Variants in RYR1 observed in about 807,000 individuals in gnomAD.
The protein encoded by RYR1 is ryanodine receptor 1.
In RYR1, 342 loss-of-function variants were observed where a neutral mutation model predicts 583.5. The ratio of observed to expected loss-of-function variants is 0.59; its 90% confidence interval spans 0.54 to 0.64. The LOEUF (loss-of-function observed/expected upper bound fraction) is 0.64, where lower values mean the gene tolerates loss of function less well. Ranked by LOEUF, RYR1 falls within the 30% of genes least tolerant of loss-of-function variation. The pLI is 0.00. For synonymous variants in RYR1, 2,791 were observed against 2,822.5 expected (o/e 0.99, Z 0.35); for missense variants, 6,032 against 6,917.2 (o/e 0.87, Z 4.54).
Position 38,452,885 on chromosome 19 carries a change from C to T in RYR1, c.1311C>T (p.Ile437=), listed in dbSNP as rs777029846. The change falls in exon 13 of 106, where the codon ATC becomes ATT. Residue 437 remains isoleucine, a synonymous_variant. Coordinates refer to ENST00000359596, the MANE Select transcript of RYR1 (RefSeq NM_000540.3). ...CACCCGCTGGCACGGCGCTGCCCAT[C>T]GAGGGCGTTATCCTGAGCCTGCAGG... ...SGPPAGTALP[I]EGVILSLQDL... The T allele has an allele frequency of 2.0e-5, 33 of 1,611,974 alleles. No individual in the cohort carries two copies. The Middle Eastern group carries it at 4.9e-4, about 24-fold the overall frequency.
chr19:38,440,313 A>G (rs1380439674), intron 1 of RYR1, among the ~76,000 whole-genome samples: 1 of 151,956 alleles, frequency 6.6e-6, no homozygotes, highest in Non-Finnish European at 1.5e-5. Flanking sequence ...AATAAATGGG[A>G]TGATTACTTG....
intron 101 of RYR1, 110 bp from the exon 102 acceptor site, chr19:38,584,833 C>T: frequency 7.5e-7 from 1 of 1,324,732 alleles, no homozygotes; most frequent in South Asian, 1.2e-5. Flanking sequence ...GGGCAGGGCC[C>T]AGGGCTGTCT....
chr19:38,451,849 T>C lies in RYR1; in HGVS notation c.1208T>C (p.Ile403Thr). ...GAGGAGTCCCAGGCCGCCCGCATGA[T>C]CCACAGCACCAATGGCCTATACAAC... Reference protein sequence around the residue: ...QQEESQAARMIHSTNGLYNQF... With the variant: ...QQEESQAARMTHSTNGLYNQF... Residue 403 changes from isoleucine to threonine, a missense_variant, in exon 12 of 106, where the codon ATC becomes ACC. Transcript: ENST00000359596. 1 of 1,614,016 alleles carries C rather than the reference T, an allele frequency of 6.2e-7. No individual in the cohort carries two copies. Among genetic ancestry groups the C allele is most frequent in the Non-Finnish European group, 8.5e-7 (1 of 1,179,978 alleles).
At chr19:38,529,895 C>T (rs751255846) in intron 76 of RYR1, among the ~76,000 whole-genome samples, 1 of 152,180 alleles carries the variant, frequency 6.6e-6, no homozygotes, top group Non-Finnish European at 1.5e-5. Flanking sequence ...CACTTAACCG[C>T]CACACTGTGA....
chr19:38,469,229 T>C (rs1968285292), intron 26 of RYR1, 76 bp from the exon 27 acceptor site: 1 of 1,605,416 alleles, frequency 6.2e-7, no homozygotes, highest in Admixed American at 1.7e-5. Context: ...AACTCTCCCA[T>C]CCCTACCTCC....
In RYR1 at chr19:38,578,298, C is replaced by G. The variant is rs1002152445; in HGVS notation, c.14364+94C>G. The G allele has an allele frequency of 1.3e-5, 17 of 1,294,480 alleles. No homozygotes were observed. In the Admixed American group the frequency reaches 2.9e-4, roughly 22 times the overall value. 80.2% of individuals were successfully genotyped at this position (1,294,480 alleles called of 1,614,324 possible). On this transcript the variant is annotated intron_variant, in intron 99 of 105. Transcript: ENST00000359596. Reference sequence around the variant, plus strand: ...GGGTGTTCCTGACCAAAGAATGACTCCTGGGACCCTGAGTGGCTGTGACCC... The same window carrying G: ...GGGTGTTCCTGACCAAAGAATGACTGCTGGGACCCTGAGTGGCTGTGACCC...
intron 58 of RYR1, among the ~76,000 whole-genome samples, chr19:38,508,181 A>G (rs1970565188): frequency 6.6e-6 from 1 of 151,798 alleles, no homozygotes; most frequent in African/African-American, 2.4e-5. Context: ...ATTTTATTTC[A>G]TTTTATTTTA....
intron 88 of RYR1, among the ~76,000 whole-genome samples, 161 bp from the exon 89 acceptor site, chr19:38,548,072 G>C (rs111639747): frequency 2.0e-5 from 3 of 152,260 alleles, no homozygotes; most frequent in African/African-American, 7.2e-5. Context: ...GGTTGGCACA[G>C]GAGGCTGACG....
At chr19:38,549,291 A>G (rs961819225) in intron 89 of RYR1, among the ~76,000 whole-genome samples, 4 of 152,094 alleles carry the variant, frequency 2.6e-5, no homozygotes, top group Non-Finnish European at 4.4e-5. Context: ...TAGGATAATC[A>G]CATTAACCAC....
At chr19:38,509,450 A>ATTTT (rs534650223) in intron 58 of RYR1, among the ~76,000 whole-genome samples, 8 of 104,368 alleles carry the variant, frequency 7.7e-5, no homozygotes, top group East Asian at 5.3e-4. Flanking sequence ...TATTATTATT[A>ATTTT]TTTTTTTTTT....
At chr19:38,553,786 T>G (rs1041915714) in intron 89 of RYR1, among the ~76,000 whole-genome samples, 1 of 152,244 alleles carries the variant, frequency 6.6e-6, no homozygotes, top group Non-Finnish European at 1.5e-5. Flanking sequence ...CCTTCCATCA[T>G]TTTTTAAATG....
Position 38,453,593 on chromosome 19 carries a change from A to T in RYR1, c.1440+579A>T, listed in dbSNP as rs139408026. Among the ~76,000 whole-genome samples the T allele has an allele frequency of 4.9e-4, 74 of 151,896 alleles. 1 individual carries two copies. In the East Asian group the frequency reaches 0.014, roughly 28 times the overall value. ...CGGGGAGAGACAGGAGATCAATAAA[A>T]TAAATAAGTAAATTGTATGGCATAT... On this transcript the variant is annotated intron_variant, in intron 13 of 105. Coordinates refer to ENST00000359596, the MANE Select transcript of RYR1 (RefSeq NM_000540.3).
intron 20 of RYR1, among the ~76,000 whole-genome samples, chr19:38,461,097 T>C (rs530567211): frequency 1.1e-4 from 16 of 152,140 alleles, no homozygotes; most frequent in African/African-American, 3.9e-4. Flanking sequence ...GAGGTTGCAA[T>C]GAGCCAAGAT....
At chr19:38,516,060 G>A in intron 64 of RYR1, 27 bp from the exon 65 acceptor site, 1 of 1,541,964 alleles carries the variant, frequency 6.5e-7, no homozygotes, top group Non-Finnish European at 8.8e-7. Context: ...GGGACACGTG[G>A]CAGCTAAACA....
At chr19:38,562,931 G>A (rs1973219419) in intron 90 of RYR1, among the ~76,000 whole-genome samples, 2 of 152,210 alleles carry the variant, frequency 1.3e-5, no homozygotes, top group South Asian at 4.1e-4. Context: ...GCCCCTCGGG[G>A]CCCCACTGCA....
In RYR1 at chr19:38,460,537, C is replaced by T. The variant is rs1187990476; in HGVS notation, c.2523C>T (p.Pro841=). Reference sequence around the variant, plus strand: ...CCCGGGGGCCTCACCTGGTGGGCCCCAGTCGCTGCCTCTCACACACCGACT... The same window carrying T: ...CCCGGGGGCCTCACCTGGTGGGCCCTAGTCGCTGCCTCTCACACACCGACT... ...EGPRGPHLVG[P]SRCLSHTDFV... Residue 841 remains proline (P), a synonymous_variant, in exon 20 of 106, where the codon CCC becomes CCT. Coordinates refer to ENST00000359596, the MANE Select transcript of RYR1 (RefSeq NM_000540.3). The T allele has an allele frequency of 1.9e-6, 3 of 1,613,896 alleles. No individual in the cohort carries two copies. Among genetic ancestry groups the T allele is most frequent in the Non-Finnish European group, 2.5e-6 (3 of 1,180,040 alleles).
chr19:38,567,643 T>TCCCATGTACCCAG, intron 92 of RYR1, 130 bp from the exon 93 acceptor site: 1 of 1,308,960 alleles, frequency 7.6e-7, no homozygotes, highest in Non-Finnish European at 1.1e-6. Context: ...TATCTCATCA[T>TCCCATGTACCCAG]CCCATGTACC....
intron 56 of RYR1, 103 bp from the exon 57 acceptor site, chr19:38,506,726 C>CATG: frequency 6.4e-7 from 1 of 1,573,718 alleles, no homozygotes; most frequent in Non-Finnish European, 8.7e-7. Flanking sequence ...TTCGTATCTT[C>CATG]TTTATCACCA....
In RYR1 at chr19:38,535,037, T is replaced by C. The variant is rs1274224612; in HGVS notation, c.11360-104T>C. ...CCTGCATGCACACCTTGGCACACTC[T>C]TAAATCCCCTTCTCTCACATCCCTT... is the stretch of plus-strand genomic sequence containing the variant. On this transcript the variant is annotated intron_variant, in intron 79 of 105. Transcript: ENST00000359596. 2.4e-6 allele frequency: 3 copies of C among 1,248,216 alleles called. No homozygotes were observed. In the African/African-American group the frequency reaches 4.4e-5, roughly 18 times the overall value. 77.3% of individuals were successfully genotyped at this position (1,248,216 alleles called of 1,614,324 possible).
Sources: allele counts gnomAD v4.1 joint callset (sites outside exome capture counted in the v4.1 genomes callset), GRCh38; gene constraint gnomAD v4.1.1; transcripts MANE v1.5; gene names NCBI Gene and HGNC (gene_info 2026-07-23, HGNC 2026-07-21).